The following TLK2 variants were observed in gnomAD, a reference collection of about 807,000 sequenced individuals.
TLK2 encodes the protein tousled like kinase 2.
Under a neutral mutation model 117.3 loss-of-function variants are expected in TLK2, and 6 were observed. The observed-to-expected ratio is 0.05, with a 90% CI of 0.03 to 0.10. The LOEUF (loss-of-function observed/expected upper bound fraction) is 0.10. Among genes scored for constraint, TLK2 ranks in the 10% least tolerant of loss-of-function variants. The pLI is 1.00. For missense variants in TLK2, 299 were observed against 901.2 expected (o/e 0.33, Z 8.56); for synonymous variants, 257 against 316.7 (o/e 0.81, Z 2.00).
intron 2 of TLK2, among the ~76,000 whole-genome samples, chr17:62,492,293 A>G (rs2073183127): frequency 6.6e-6 from 1 of 152,314 alleles, no homozygotes; most frequent in East Asian, 1.9e-4. Flanking sequence ...GAAAAATACC[A>G]TAGGAGCAAG....
At chr17:62,532,646 A>T (rs1457186282) in intron 6 of TLK2, among the ~76,000 whole-genome samples, 4 of 152,222 alleles carry the variant, frequency 2.6e-5, no homozygotes, top group African/African-American at 9.6e-5. Flanking sequence ...AAGAACTGTT[A>T]TTAGAGAGTA....
In TLK2 at chr17:62,578,479, G is replaced by A. The variant is rs2080980216; in HGVS notation, c.1191G>A (p.Glu397=). The stretch of plus-strand genomic sequence containing the variant: ...TATTTCTTTCCTTTTCGCTTTAGGA[G>A]GAAGCAGAGATCCAGGCAGAGCTGG... ...FKLRLGHLKK[E]EAEIQAELER... is the part of the protein sequence containing the mutation. The change falls in exon 14 of 22, where the codon GAG becomes GAA. Residue 397 remains glutamate (E), a splice_region_variant and synonymous_variant. Transcript: ENST00000346027. 1 of 1,613,456 alleles carries A rather than the reference G, an allele frequency of 6.2e-7. No individual in the cohort carries two copies. The highest frequency in any genetic ancestry group is 1.7e-5 in the Admixed American group (1 of 59,954).
intron 1 of TLK2, among the ~76,000 whole-genome samples, chr17:62,473,240 GCT>G (rs1327384075): frequency 1.3e-5 from 2 of 152,136 alleles, no homozygotes; most frequent in Non-Finnish European, 2.9e-5. Flanking sequence ...ACTCTGATGA[GCT>G]CTGAGATCGG....
intron 18 of TLK2, among the ~76,000 whole-genome samples, chr17:62,601,816 G>T (rs191856218): frequency 1.3e-4 from 20 of 152,330 alleles, no homozygotes; most frequent in Middle Eastern, 3.4e-3. Flanking sequence ...CATCATAGTG[G>T]TGGTTTTGGC....
At chr17:62,489,023 A>G (rs2072802926) in intron 2 of TLK2, among the ~76,000 whole-genome samples, 2 of 151,496 alleles carry the variant, frequency 1.3e-5, no homozygotes, top group East Asian at 1.9e-4. Flanking sequence ...ATAAATTTAG[A>G]AAAAAAATGC....
intron 2 of TLK2, among the ~76,000 whole-genome samples, chr17:62,495,495 A>AAG (rs2073557547): frequency 6.6e-6 from 1 of 151,362 alleles, no homozygotes; most frequent in South Asian, 2.1e-4. Context: ...GTTCACTGCA[A>AAG]ACTCTGCCTC....
intron 2 of TLK2, among the ~76,000 whole-genome samples, chr17:62,506,554 A>G (rs1299911158): frequency 6.6e-6 from 1 of 152,166 alleles, no homozygotes; most frequent in Non-Finnish European, 1.5e-5. Flanking sequence ...TAGTCTGTTC[A>G]CAACAGAAGA....
chr17:62,591,177 A>T (rs2082053244), intron 16 of TLK2, among the ~76,000 whole-genome samples: 1 of 152,142 alleles, frequency 6.6e-6, no homozygotes, highest in South Asian at 2.1e-4. Flanking sequence ...TGAACCCAGG[A>T]GGCGGAAGTT....
At chr17:62,518,503 A>T (rs1010534763) in intron 2 of TLK2, among the ~76,000 whole-genome samples, 1 of 152,158 alleles carries the variant, frequency 6.6e-6, no homozygotes, top group Non-Finnish European at 1.5e-5. Context: ...CAGGAGTTCC[A>T]GACCAGCATG....
At chr17:62,601,206 C>A (rs1394084295) in intron 18 of TLK2, among the ~76,000 whole-genome samples, 4 of 152,066 alleles carry the variant, frequency 2.6e-5, no homozygotes, top group African/African-American at 4.8e-5. Context: ...ACTTATATGC[C>A]TCCCATTTCA....
At position 62,615,167 on chromosome 17, in the gene TLK2, A is replaced by G. The variant is rs1300335678; in HGVS notation, c.*2602A>G. 2 of 152,146 alleles carry G rather than the reference A, an allele frequency of 1.3e-5. No individual in the cohort carries two copies. Among genetic ancestry groups the G allele is most frequent in the Non-Finnish European group, 2.9e-5 (2 of 68,046 alleles). 9.4% of individuals were successfully genotyped at this position (152,146 alleles called of 1,614,324 possible). A position where few individuals can be genotyped will look rare whatever the true frequency, so the allele number is the denominator to read the frequency against. On this transcript the variant is annotated 3_prime_UTR_variant, in exon 22 of 22. Transcript: ENST00000346027. ...GTCTAGGGCCTGTTTGGAGCTAACT[A>G]GGCTTGGCTGAGTCCGGGCAAGACC...
chr17:62,548,240 A>ATATATATATGTG (rs368516607), intron 7 of TLK2, among the ~76,000 whole-genome samples: 35 of 121,294 alleles, frequency 2.9e-4, no homozygotes, highest in Middle Eastern at 4.7e-3. Flanking sequence ...ATATATATAT[A>ATATATATATGTG]TGTGTGTGTG....
intron 2 of TLK2, among the ~76,000 whole-genome samples, chr17:62,485,818 T>TG (rs1189474333): frequency 7.0e-6 from 1 of 142,584 alleles, no homozygotes; most frequent in Non-Finnish European, 1.5e-5. Flanking sequence ...ATTTTCTGGT[T>TG]TTTTTTTTTT....
At chr17:62,483,417 A>T (rs2071930644) in intron 2 of TLK2, among the ~76,000 whole-genome samples, 1 of 152,232 alleles carries the variant, frequency 6.6e-6, no homozygotes, top group African/African-American at 2.4e-5. Flanking sequence ...GAAAACTTTA[A>T]TACAGTAACC....
chr17:62,604,770 G>C (rs1488576894), intron 19 of TLK2, among the ~76,000 whole-genome samples: 1 of 151,610 alleles, frequency 6.6e-6, no homozygotes, highest in Non-Finnish European at 1.5e-5. Flanking sequence ...TTAGCTGGGC[G>C]TGGTGGTGCA....
upstream of TLK2, among the ~76,000 whole-genome samples, chr17:62,475,499 C>T (rs1366577557): frequency 1.3e-5 from 2 of 151,958 alleles, no homozygotes; most frequent in Non-Finnish European, 2.9e-5. Flanking sequence ...CCCACCACCA[C>T]GCTCAGCTAA....
intron 7 of TLK2, among the ~76,000 whole-genome samples, chr17:62,538,748 A>G (rs1442500214): frequency 2.0e-5 from 3 of 152,246 alleles, no homozygotes; most frequent in Non-Finnish European, 2.9e-5. Flanking sequence ...TGGAAACAGT[A>G]TGAAAACCAA....
intron 7 of TLK2, among the ~76,000 whole-genome samples, chr17:62,541,246 T>A (rs999619402): frequency 1.3e-5 from 2 of 152,220 alleles, no homozygotes; most frequent in African/African-American, 4.8e-5. Flanking sequence ...CGTACTATGA[T>A]GGACTTTTGT....
chr17:62,554,940 C>T (rs947748310), intron 9 of TLK2, among the ~76,000 whole-genome samples: 3 of 150,470 alleles, frequency 2.0e-5, no homozygotes, highest in African/African-American at 4.9e-5. Context: ...CTCATAATTC[C>T]ATTAATTGGG....
Sources: gnomAD v4.1 joint callset for allele counts (sites outside exome capture counted in the v4.1 genomes callset) on GRCh38, gnomAD v4.1.1 for gene constraint, MANE v1.5 for transcripts, NCBI Gene and HGNC (gene_info 2026-07-23, HGNC 2026-07-21) for gene names.